Variants in TMLHE observed in about 807,000 individuals in gnomAD.
The protein encoded by TMLHE is trimethyllysine hydroxylase, epsilon.
In TMLHE, 18 loss-of-function variants were observed where a neutral mutation model predicts 25.7. That is an observed-to-expected ratio of 0.70 (90% confidence interval 0.48 to 1.04). The LOEUF is 1.04. Ranked by LOEUF, TMLHE falls within the 50% of genes least tolerant of loss-of-function variation. The pLI, the probability that TMLHE is intolerant of heterozygous loss-of-function variation, is 0.00. For synonymous variants in TMLHE, 105 were observed against 97.0 expected (o/e 1.08, Z -0.49); for missense variants, 236 against 259.0 (o/e 0.91, Z 0.61).
Position 155,605,932 on chromosome X carries a change from A to G in TMLHE, c.-2+6860T>C, listed in dbSNP as rs782635550. On this transcript the variant is annotated intron_variant, in intron 1 of 7. Coordinates refer to ENST00000334398, the MANE Select transcript of TMLHE (RefSeq NM_018196.4). ...AAAACCTACAAAGCAAACAAAGAAC[A>G]AAAAAAAGCAGGGATTACTATTTTA... is the stretch of plus-strand genomic sequence containing the variant. 2.7e-4 allele frequency among the ~76,000 whole-genome samples: 30 copies of G among 111,511 alleles called. No homozygotes were observed. The South Asian group carries it at 0.011, about 41-fold the overall frequency.
chrX:155,547,334 C>G (rs1407938502), intron 1 of TMLHE, among the ~76,000 whole-genome samples: 1 of 106,368 alleles, frequency 9.4e-6, no homozygotes, highest in Non-Finnish European at 1.9e-5. Flanking sequence ...TTAGTAGAGA[C>G]GGGGTTTCAC....
chrX:155,544,788 C>T (rs916477079), intron 2 of TMLHE, among the ~76,000 whole-genome samples: 3 of 110,788 alleles, frequency 2.7e-5, no homozygotes, highest in Non-Finnish European at 1.9e-5. Context: ...TTGCCTTCCC[C>T]TAGTTGAGAA....
chrX:155,507,907 C>G (rs2067085494), intron 5 of TMLHE, among the ~76,000 whole-genome samples: 1 of 110,904 alleles, frequency 9.0e-6, no homozygotes, highest in Non-Finnish European at 1.9e-5. Flanking sequence ...AGCTTGAACT[C>G]AGAAAGGGGC....
intron 2 of TMLHE, among the ~76,000 whole-genome samples, chrX:155,527,573 A>T (rs1173720725): frequency 8.9e-6 from 1 of 112,250 alleles, no homozygotes; most frequent in Non-Finnish European, 1.9e-5. Flanking sequence ...ATAGCAAAAT[A>T]AAAAAATTAC....
At chrX:155,545,001 C>T (rs782808242) in intron 2 of TMLHE, 95 bp downstream of exon 2, 21 of 987,315 alleles carry the variant, frequency 2.1e-5, no homozygotes, top group South Asian at 1.3e-4. Context: ...TTTCTTACCA[C>T]GATTTTATCA....
At position 155,571,949 on chromosome X, in the gene TMLHE, A is replaced by G. The variant is rs1367284144; in HGVS notation, c.-1-26672T>C. Among the ~76,000 whole-genome samples, 84 of 54,221 alleles carry G rather than the reference A, an allele frequency of 1.5e-3. 6 individuals are homozygous for G. The highest frequency in any genetic ancestry group is 3.6e-3 in the African/African-American group (81 of 22,260). The allele number at this position is 54,221 out of a possible 115,157, so 47.1% of individuals were successfully genotyped here. ...CAAGACAGGGATGCCCTCTCTCACCACTCCTATTCAACATAGTGTTGTAAG... is the reference window on the plus strand; with the variant it reads ...CAAGACAGGGATGCCCTCTCTCACCGCTCCTATTCAACATAGTGTTGTAAG... On this transcript the variant is annotated intron_variant, in intron 1 of 7. Transcript: ENST00000334398.
intron 5 of TMLHE, among the ~76,000 whole-genome samples, chrX:155,509,112 T>G (rs782627267): frequency 9.0e-6 from 1 of 111,165 alleles, no homozygotes. Context: ...AGATAGTGAT[T>G]AAAATGAATA....
At position 155,510,232 on chromosome X, in the gene TMLHE, T is replaced by TTTTTACTTTA. The variant is rs1557333233; in HGVS notation, c.758+1440_758+1441insTAAAGTAAAA. 2.8e-4 allele frequency among the ~76,000 whole-genome samples: 28 copies of TTTTTACTTTA among 99,217 alleles called. No individual in the cohort carries two copies. In the East Asian group the frequency reaches 9.2e-3, roughly 32 times the overall value. The allele number at this position is 99,217 out of a possible 115,157, so 86.2% of individuals were successfully genotyped here. A position where few individuals can be genotyped will look rare whatever the true frequency, so the allele number is the denominator to read the frequency against. On this transcript the variant is annotated intron_variant, in intron 5 of 7. Transcript: ENST00000334398. ...CATTTATATAGTAAGATGAGTTTTC[T>TTTTTACTTTA]TTTTATTTTATTTTATTTTATTTTA...
intron 1 of TMLHE, among the ~76,000 whole-genome samples, chrX:155,580,128 C>T (rs781796657): frequency 9.0e-6 from 1 of 111,315 alleles, no homozygotes; most frequent in East Asian, 2.8e-4. Flanking sequence ...GGAACATGAA[C>T]AACTCAACAA....
At chrX:155,604,258 T>C (rs1306733247) in intron 1 of TMLHE, among the ~76,000 whole-genome samples, 1 of 110,563 alleles carries the variant, frequency 9.0e-6, no homozygotes, top group Non-Finnish European at 1.9e-5. Flanking sequence ...TGGTACTGCC[T>C]TTGCTGCCCT....
At position 155,596,848 on chromosome X, in the gene TMLHE, T is replaced by C. The variant is rs901419879; in HGVS notation, c.-2+15944A>G. On this transcript the variant is annotated intron_variant, in intron 1 of 7. Coordinates refer to ENST00000334398, the MANE Select transcript of TMLHE (RefSeq NM_018196.4). Reference sequence around the variant, plus strand: ...CATTTCTTCTAAGTATACGAACTCATTGAAATAGGCTCAGTGTTTCTTTTT... The same window carrying C: ...CATTTCTTCTAAGTATACGAACTCACTGAAATAGGCTCAGTGTTTCTTTTT... 3.6e-5 allele frequency among the ~76,000 whole-genome samples: 4 copies of C among 111,726 alleles called. No individual in the cohort carries two copies. The South Asian group carries it at 1.1e-3, about 32-fold the overall frequency.
intron 1 of TMLHE, among the ~76,000 whole-genome samples, chrX:155,579,085 C>A (rs933548732): frequency 1.1e-5 from 1 of 89,880 alleles, no homozygotes; most frequent in African/African-American, 3.8e-5. Flanking sequence ...CTACAAAACA[C>A]TGGTGAAAGA....
In TMLHE at chrX:155,561,589, G is replaced by T. The variant is rs2067496800; in HGVS notation, c.-1-16312C>A. On this transcript the variant is annotated intron_variant, in intron 1 of 7. Coordinates refer to ENST00000334398, the MANE Select transcript of TMLHE (RefSeq NM_018196.4). Reference sequence around the variant, plus strand: ...TCTTAACTCATTTCAGCACTAAAAAGTCCAAGTCCAAAGTCTTATCGGACA... The same window carrying T: ...TCTTAACTCATTTCAGCACTAAAAATTCCAAGTCCAAAGTCTTATCGGACA... 3.2e-5 allele frequency among the ~76,000 whole-genome samples: 2 copies of T among 61,600 alleles called. 1 individual carries two copies. The highest frequency in any genetic ancestry group is 9.1e-5 in the Non-Finnish European group (2 of 21,976). 53.5% of individuals were successfully genotyped at this position (61,600 alleles called of 115,157 possible).
chrX:155,491,423 G>C lies in TMLHE; in HGVS notation c.*112C>G, dbSNP rs1557331729. ...AGAAACGGACAGATTCTGTTTTGTGGGATGGGATAAGGAGACAATCTGAAG... is the reference window on the plus strand; with the variant it reads ...AGAAACGGACAGATTCTGTTTTGTGCGATGGGATAAGGAGACAATCTGAAG... On this transcript the variant is annotated 3_prime_UTR_variant, in exon 8 of 8. Transcript: ENST00000334398. 1 of 45,220 alleles carries C rather than the reference G, an allele frequency of 2.2e-5. No individual in the cohort carries two copies. The highest frequency in any genetic ancestry group is 1.9e-4 in the African/African-American group (1 of 5,271). The allele number at this position is 45,220 out of a possible 1,213,427, so 3.7% of individuals were successfully genotyped here.
chrX:155,524,797 T>G (rs1557336275), intron 2 of TMLHE, among the ~76,000 whole-genome samples, 165 bp from the exon 3 acceptor site: 3 of 111,637 alleles, frequency 2.7e-5, no homozygotes, highest in Non-Finnish European at 3.8e-5. Flanking sequence ...ACTTCTATAA[T>G]TAAAATGGTG....
At chrX:155,547,897 T>C (rs2067364239) in intron 1 of TMLHE, among the ~76,000 whole-genome samples, 1 of 110,905 alleles carries the variant, frequency 9.0e-6, no homozygotes, top group African/African-American at 3.3e-5. Context: ...CCACACCTGC[T>C]ATAGACACAT....
chrX:155,576,385 C>T (rs1325334402), intron 1 of TMLHE, among the ~76,000 whole-genome samples: 1 of 111,759 alleles, frequency 8.9e-6, no homozygotes, highest in Non-Finnish European at 1.9e-5. Flanking sequence ...GGAAAACATT[C>T]CATGTTCATG....
intron 2 of TMLHE, among the ~76,000 whole-genome samples, chrX:155,527,027 AG>A (rs2067223890): frequency 1.8e-5 from 2 of 112,440 alleles, no homozygotes; most frequent in African/African-American, 6.5e-5. Context: ...CTTCTGAGTT[AG>A]TGCTGGAGTG....
chrX:155,594,810 A>G (rs1409354896), intron 1 of TMLHE, among the ~76,000 whole-genome samples: 1 of 111,663 alleles, frequency 9.0e-6, no homozygotes, highest in African/African-American at 3.3e-5. Context: ...CTATTATAAG[A>G]TGTTTTATGT....
Sources: gnomAD v4.1 joint callset for allele counts (sites outside exome capture counted in the v4.1 genomes callset) on GRCh38, gnomAD v4.1.1 for gene constraint, MANE v1.5 for transcripts, NCBI Gene and HGNC (gene_info 2026-07-23, HGNC 2026-07-21) for gene names.